Variants in ITGA8 observed in about 807,000 individuals in gnomAD.
ITGA8 encodes integrin alpha-8.
A neutral mutation model predicts 142.3 loss-of-function variants in ITGA8; 91 were observed. That is an observed-to-expected ratio of 0.64 (90% CI 0.54 to 0.76). The LOEUF (loss-of-function observed/expected upper bound fraction) is 0.76, where lower values mean the gene tolerates loss of function less well. ITGA8 is among the 30% of genes least tolerant of loss of function. The pLI is 0.00. For synonymous variants in ITGA8, 505 were observed against 485.2 expected (o/e 1.04, Z -0.54); for missense variants, 1,406 against 1,327.7 (o/e 1.06, Z -0.92).
chr10:15,607,965 A>G, intron 16 of ITGA8, 134 bp from the exon 17 acceptor site: 1 of 751,740 alleles, frequency 1.3e-6, no homozygotes. Flanking sequence ...ATGATAAATG[A>G]GCTGGAAAAA....
intron 2 of ITGA8, among the ~76,000 whole-genome samples, chr10:15,707,188 T>C (rs1374866918): frequency 2.6e-5 from 4 of 152,236 alleles, no homozygotes; most frequent in Non-Finnish European, 5.9e-5. Context: ...AAAGAGGGAC[T>C]GGACTGAGAT....
At chr10:15,591,377 A>G (rs1832918934) in intron 22 of ITGA8, among the ~76,000 whole-genome samples, 1 of 149,356 alleles carries the variant, frequency 6.7e-6, no homozygotes, top group Non-Finnish European at 1.5e-5. Context: ...ATACTTACTG[A>G]AAGGAATATT....
rs148293821 is a variant in ITGA8 at position 15,670,074 on chromosome 10, G to A, written c.847+1529C>T. On this transcript the variant is annotated intron_variant, in intron 8 of 29. Coordinates refer to ENST00000378076, the MANE Select transcript of ITGA8 (RefSeq NM_003638.3). ...AATGCAGAAATCACCCATCTTCTGC[G>A]TCGCTCATGCTGGGAGCTGTAGACC... Among the ~76,000 whole-genome samples the A allele has an allele frequency of 9.9e-5, 15 of 152,244 alleles. No individual in the cohort carries two copies. In the East Asian group the frequency reaches 1.2e-3, roughly 12 times the overall value.
intron 2 of ITGA8, among the ~76,000 whole-genome samples, chr10:15,690,663 C>T (rs1309368713): frequency 1.3e-5 from 2 of 152,220 alleles, no homozygotes; most frequent in Non-Finnish European, 2.9e-5. Flanking sequence ...TTGGCTATGT[C>T]TTCTCACTGT....
At chr10:15,629,965 A>T (rs10904604) in intron 13 of ITGA8, among the ~76,000 whole-genome samples, 103,158 of 151,796 alleles carry the variant, frequency 0.68, 36,623 homozygotes, top group South Asian at 0.86. Flanking sequence ...CAAAAAAACA[A>T]GTTTGGAGAA....
At chr10:15,716,992 CA>C (rs1835466547) in intron 2 of ITGA8, among the ~76,000 whole-genome samples, 1 of 152,146 alleles carries the variant, frequency 6.6e-6, no homozygotes, top group African/African-American at 2.4e-5. Flanking sequence ...TGAAAATTTT[CA>C]GTTAGGAGTG....
At chr10:15,714,125 C>T (rs974015067) in intron 2 of ITGA8, among the ~76,000 whole-genome samples, 1 of 152,142 alleles carries the variant, frequency 6.6e-6, no homozygotes, top group Non-Finnish European at 1.5e-5. Context: ...TTTACTTGAG[C>T]ATTTAAAACA....
chr10:15,549,175 T>G (rs923853368), intron 26 of ITGA8, among the ~76,000 whole-genome samples: 4 of 150,860 alleles, frequency 2.7e-5, no homozygotes, highest in African/African-American at 7.3e-5. Flanking sequence ...CAAATCAGAT[T>G]TTCTTTCTTT....
At chr10:15,640,071 C>T (rs928242239) in intron 13 of ITGA8, among the ~76,000 whole-genome samples, 3 of 152,090 alleles carry the variant, frequency 2.0e-5, no homozygotes, top group Non-Finnish European at 2.9e-5. Flanking sequence ...GCAGAGAGTC[C>T]GGGGGTAGAG....
At chr10:15,548,591 G>T (rs762078929) in intron 26 of ITGA8, 23 bp from the exon 27 acceptor site, 1 of 1,476,618 alleles carries the variant, frequency 6.8e-7, no homozygotes, top group South Asian at 1.1e-5. Flanking sequence ...GTGGGAACAC[G>T]TCAGAGTCTT....
intron 13 of ITGA8, among the ~76,000 whole-genome samples, chr10:15,621,757 C>T (rs1833495084): frequency 6.6e-6 from 1 of 152,152 alleles, no homozygotes; most frequent in South Asian, 2.1e-4. Context: ...GTCCCAGCTA[C>T]TTCAGAGGCT....
intron 11 of ITGA8, among the ~76,000 whole-genome samples, chr10:15,649,160 A>G (rs1169877249): frequency 4.6e-5 from 7 of 152,134 alleles, no homozygotes; most frequent in Non-Finnish European, 1.0e-4. Flanking sequence ...GCTTGGTGCT[A>G]GGGGCATTCC....
At chr10:15,610,757 C>T (rs1222701060) in intron 15 of ITGA8, among the ~76,000 whole-genome samples, 1 of 152,192 alleles carries the variant, frequency 6.6e-6, no homozygotes, top group Non-Finnish European at 1.5e-5. Context: ...TTTACATTCT[C>T]ATCAGTTTTC....
chr10:15,542,721 A>G (rs895168775), intron 27 of ITGA8, among the ~76,000 whole-genome samples: 7 of 152,222 alleles, frequency 4.6e-5, no homozygotes, highest in African/African-American at 1.2e-4. Context: ...CTTACTATCT[A>G]TGTGACTCGG....
intron 8 of ITGA8, among the ~76,000 whole-genome samples, chr10:15,665,934 T>C (rs1166352325): frequency 6.6e-6 from 1 of 152,236 alleles, no homozygotes; most frequent in Non-Finnish European, 1.5e-5. Context: ...GTAGTATAGT[T>C]TGAAGTCAGG....
chr10:15,522,177 T>A (rs1212821084), intron 28 of ITGA8, among the ~76,000 whole-genome samples: 1 of 152,264 alleles, frequency 6.6e-6, no homozygotes, highest in Non-Finnish European at 1.5e-5. Context: ...ATACGTTATG[T>A]GCACGTGTGT....
chr10:15,560,608 A>G (rs1219521713), intron 25 of ITGA8, among the ~76,000 whole-genome samples: 1 of 152,232 alleles, frequency 6.6e-6, no homozygotes, highest in East Asian at 1.9e-4. Context: ...GTTATGATCT[A>G]TTTATACAGA....
At chr10:15,644,618 T>C (rs1403420029) in intron 12 of ITGA8, among the ~76,000 whole-genome samples, 1 of 149,918 alleles carries the variant, frequency 6.7e-6, no homozygotes, top group Non-Finnish European at 1.5e-5. Context: ...CATGAGCCAC[T>C]GTGCTTGGCC....
chr10:15,647,647 A>G (rs935941040), intron 11 of ITGA8, among the ~76,000 whole-genome samples: 4 of 150,438 alleles, frequency 2.7e-5, no homozygotes, highest in African/African-American at 9.8e-5. Context: ...TATTTTTAGT[A>G]GAGACGGGGT....
Sources: gnomAD v4.1 joint callset for allele counts (sites outside exome capture counted in the v4.1 genomes callset) on GRCh38, gnomAD v4.1.1 for gene constraint, MANE v1.5 for transcripts, NCBI Gene and HGNC (gene_info 2026-07-23, HGNC 2026-07-21) for gene names.